Variants in PDE11A observed in about 807,000 individuals in gnomAD.
PDE11A encodes the protein dual 3',5'-cyclic-AMP and -GMP phosphodiesterase 11A.
PDE11A carries 100 observed loss-of-function variants against 100.5 expected under a neutral mutation model. The ratio of observed to expected loss-of-function variants is 1.00; its 90% CI spans 0.85 to 1.18. The LOEUF (loss-of-function observed/expected upper bound fraction) is 1.18, where lower values mean the gene tolerates loss of function less well. PDE11A is among the 50% of genes most tolerant of loss of function. The pLI is 0.00. For missense variants in PDE11A, 1,141 were observed against 1,152.6 expected (o/e 0.99, Z 0.15); for synonymous variants, 381 against 420.8 (o/e 0.91, Z 1.16).
intron 19 of PDE11A, among the ~76,000 whole-genome samples, chr2:177,661,010 T>A (rs1453286218): frequency 6.6e-6 from 1 of 152,130 alleles, no homozygotes; most frequent in Non-Finnish European, 1.5e-5. Context: ...ACTCCCACCC[T>A]CTGTAGACTC....
chr2:178,084,546 C>A (rs1420709604), intron 2 of PDE11A, among the ~76,000 whole-genome samples: 1 of 152,132 alleles, frequency 6.6e-6, no homozygotes, highest in South Asian at 2.1e-4. Context: ...AGAATGCAGA[C>A]ATGAGCAAGT....
chr2:177,759,848 A>G (rs1476182347), intron 10 of PDE11A, among the ~76,000 whole-genome samples: 2 of 152,246 alleles, frequency 1.3e-5, no homozygotes, highest in East Asian at 3.8e-4. Flanking sequence ...TTGCCCAAAG[A>G]GTACCATAAA....
intron 5 of PDE11A, among the ~76,000 whole-genome samples, chr2:177,865,325 T>C (rs2084010187): frequency 6.6e-6 from 1 of 152,030 alleles, no homozygotes; most frequent in Non-Finnish European, 1.5e-5. Flanking sequence ...CTGTGTCACA[T>C]CCACTAAAAT....
intron 2 of PDE11A, among the ~76,000 whole-genome samples, chr2:178,102,001 T>C (rs1480433746): frequency 1.3e-5 from 2 of 152,280 alleles, no homozygotes; most frequent in South Asian, 2.1e-4. Flanking sequence ...TCTCACTCTG[T>C]CACCCAGGCG....
chr2:177,909,371 T>C (rs1375375071), intron 2 of PDE11A, among the ~76,000 whole-genome samples: 2 of 152,200 alleles, frequency 1.3e-5, no homozygotes, highest in Admixed American at 6.5e-5. Flanking sequence ...GTACTGGGAA[T>C]GCACAGATCA....
chr2:177,673,626 A>C (rs1010150957), intron 17 of PDE11A, among the ~76,000 whole-genome samples: 1 of 152,170 alleles, frequency 6.6e-6, no homozygotes, highest in Non-Finnish European at 1.5e-5. Flanking sequence ...TCCTGGACTT[A>C]AGAGTTTGAT....
intron 1 of PDE11A, chr2:178,105,779 TC>T: frequency 1.0e-6 from 1 of 999,996 alleles, no homozygotes; most frequent in Non-Finnish European, 1.3e-6. Context: ...GATCACTTCC[TC>T]CACCCCTCCC....
At chr2:177,865,933 A>G (rs2084020718) in intron 5 of PDE11A, among the ~76,000 whole-genome samples, 2 of 152,140 alleles carry the variant, frequency 1.3e-5, no homozygotes, top group African/African-American at 4.8e-5. Flanking sequence ...CAGCAATGGT[A>G]TGGTTGAACA....
At chr2:177,967,474 C>T (rs1261034698) in intron 2 of PDE11A, among the ~76,000 whole-genome samples, 2 of 152,036 alleles carry the variant, frequency 1.3e-5, no homozygotes, top group African/African-American at 2.4e-5. Flanking sequence ...GTTGGGATTA[C>T]AGGTGTGAGT....
intron 19 of PDE11A, among the ~76,000 whole-genome samples, chr2:177,639,104 C>A (rs1266094320): frequency 6.6e-6 from 1 of 152,192 alleles, no homozygotes; most frequent in Non-Finnish European, 1.5e-5. Context: ...CTGGATTCCC[C>A]CTGCCTGTGC....
chr2:177,795,525 A>G (rs2082694088), intron 9 of PDE11A, among the ~76,000 whole-genome samples: 1 of 152,100 alleles, frequency 6.6e-6, no homozygotes, highest in Non-Finnish European at 1.5e-5. Flanking sequence ...GGCATGGAGA[A>G]GGGGGTGGGG....
At chr2:177,994,203 T>C (rs1270287099) in intron 2 of PDE11A, among the ~76,000 whole-genome samples, 2 of 152,150 alleles carry the variant, frequency 1.3e-5, no homozygotes, top group African/African-American at 4.8e-5. Flanking sequence ...AGTGGTGAGA[T>C]TACAGGCAAG....
intron 13 of PDE11A, among the ~76,000 whole-genome samples, chr2:177,710,449 AG>A (rs1217523878): frequency 6.6e-6 from 1 of 152,200 alleles, no homozygotes; most frequent in African/African-American, 2.4e-5. Context: ...GGGGCTGGCT[AG>A]GGACACAGAA....
intron 6 of PDE11A, among the ~76,000 whole-genome samples, chr2:177,835,962 G>A (rs74512387): frequency 0.011 from 1,736 of 152,290 alleles, 26 homozygotes; most frequent in East Asian, 0.076. Flanking sequence ...CCCCACTGCC[G>A]TGGGCTCCTG....
chr2:178,071,986 C>CTA lies in PDE11A; in HGVS notation c.450_451dup (p.Ser151IlefsTer31), dbSNP rs752509877. 6.2e-7 allele frequency: 1 copy of CTA among 1,614,134 alleles called. No homozygotes were observed. The highest frequency in any genetic ancestry group is 8.5e-7 in the Non-Finnish European group (1 of 1,179,984). ...CCGGAGAAGTGCCCTCCGTCGTACA[C>CTA]TACTCAGGGGTTCCTGAGCCCGGGA... On this transcript the variant is annotated frameshift_variant, in exon 1 of 20. Transcript: ENST00000286063. LOFTEE classifies it high-confidence loss of function.
intron 2 of PDE11A, among the ~76,000 whole-genome samples, chr2:177,962,146 G>C (rs545616362): frequency 3.5e-4 from 51 of 147,078 alleles, no homozygotes; most frequent in Non-Finnish European, 5.7e-4. Flanking sequence ...GCTACTTTAT[G>C]TTGTCATCTC....
At chr2:177,934,946 C>T (rs1044818025) in intron 2 of PDE11A, among the ~76,000 whole-genome samples, 6 of 152,156 alleles carry the variant, frequency 3.9e-5, no homozygotes, top group South Asian at 2.1e-4. Flanking sequence ...CAACAACAGA[C>T]GCTAGAGATT....
At chr2:177,798,043 C>T (rs1230182285) in intron 9 of PDE11A, among the ~76,000 whole-genome samples, 1 of 152,190 alleles carries the variant, frequency 6.6e-6, no homozygotes, top group East Asian at 1.9e-4. Flanking sequence ...CTGCCTCTCC[C>T]CTGCTGTGCC....
At chr2:177,763,103 A>T (rs756755992) in intron 10 of PDE11A, among the ~76,000 whole-genome samples, 3 of 152,204 alleles carry the variant, frequency 2.0e-5, no homozygotes, top group Non-Finnish European at 4.4e-5. Flanking sequence ...ATATTTATGG[A>T]TGCGTCCTGA....
Sources: allele counts gnomAD v4.1 joint callset (sites outside exome capture counted in the v4.1 genomes callset), GRCh38; gene constraint gnomAD v4.1.1; transcripts MANE v1.5; gene names NCBI Gene and HGNC (gene_info 2026-07-23, HGNC 2026-07-21).